Variants in ANKS3 observed in about 807,000 individuals in gnomAD.
The protein encoded by ANKS3 is ankyrin repeat and sterile alpha motif domain containing 3, also known as ankyrin repeat and SAM domain-containing protein 3.
A neutral mutation model predicts 80.7 loss-of-function variants in ANKS3; 62 were observed. That is an observed-to-expected ratio of 0.77 (90% CI 0.63 to 0.95). The LOEUF is 0.95. Among genes scored for constraint, ANKS3 ranks in the 40% least tolerant of loss-of-function variants. The pLI, the probability that ANKS3 is intolerant of heterozygous loss-of-function variation, is 0.00. For missense variants in ANKS3, 1,150 were observed against 883.6 expected (o/e 1.30, Z -3.82); for synonymous variants, 489 against 355.3 (o/e 1.38, Z -4.23).
chr16:4,709,839 C>T (rs1201288817), intron 7 of ANKS3, among the ~76,000 whole-genome samples: 1 of 151,796 alleles, frequency 6.6e-6, no homozygotes, highest in African/African-American at 2.4e-5. Flanking sequence ...AGCAAGACCC[C>T]GTCTCTACAA....
At chr16:4,732,490 C>T (rs1477350672) in intron 1 of ANKS3, among the ~76,000 whole-genome samples, 1 of 152,100 alleles carries the variant, frequency 6.6e-6, no homozygotes, top group Non-Finnish European at 1.5e-5. Flanking sequence ...CGAGACCACC[C>T]TGGCCAAAAT....
At position 4,696,619 on chromosome 16, in the gene ANKS3, T is replaced by C. The variant is rs1282816569; in HGVS notation, c.*289A>G. ...CACCTGTGCGTGTATATGGATACACTTTCCCCCCAGGGCCCTGCCTGGTAT... is the reference window on the plus strand; with the variant it reads ...CACCTGTGCGTGTATATGGATACACCTTCCCCCCAGGGCCCTGCCTGGTAT... On this transcript the variant is annotated 3_prime_UTR_variant, in exon 18 of 18. Transcript: ENST00000304283. 4.2e-6 allele frequency: 1 copy of C among 240,254 alleles called. No individual in the cohort carries two copies. Among genetic ancestry groups the C allele is most frequent in the Non-Finnish European group, 8.2e-6 (1 of 122,552 alleles). 14.9% of individuals were successfully genotyped at this position (240,254 alleles called of 1,614,324 possible).
At chr16:4,709,872 G>T (rs1351692429) in intron 7 of ANKS3, among the ~76,000 whole-genome samples, 3 of 152,092 alleles carry the variant, frequency 2.0e-5, no homozygotes, top group Non-Finnish European at 4.4e-5. Flanking sequence ...TTAGCCAGGT[G>T]TGGTGGTAGG....
At chr16:4,704,469 G>T (rs1225673083) in intron 8 of ANKS3, among the ~76,000 whole-genome samples, 1 of 152,114 alleles carries the variant, frequency 6.6e-6, no homozygotes, top group Non-Finnish European at 1.5e-5. Flanking sequence ...CACAGCAATA[G>T]AGAGTAGGCA....
chr16:4,699,361 G>C (rs562095008), intron 11 of ANKS3, 185 bp from the exon 12 acceptor site: 3 of 764,460 alleles, frequency 3.9e-6, no homozygotes, highest in South Asian at 1.8e-5. Flanking sequence ...AGGCAGGTGA[G>C]TCCTCACACT....
chr16:4,711,536 T>C (rs190733478), intron 7 of ANKS3, among the ~76,000 whole-genome samples: 69 of 151,746 alleles, frequency 4.5e-4, no homozygotes, highest in Admixed American at 7.9e-4. Context: ...CCGGCCAACA[T>C]GGAGAAACCC....
At chr16:4,714,222 C>G in intron 6 of ANKS3, 36 bp from the exon 7 acceptor site, 1 of 1,609,778 alleles carries the variant, frequency 6.2e-7, no homozygotes, top group Non-Finnish European at 8.5e-7. Context: ...AGGGGCCTCT[C>G]CTTCAAAGCA....
At chr16:4,727,632 C>G (rs2142157950) in intron 3 of ANKS3, 2 of 210,406 alleles carry the variant, frequency 9.5e-6, no homozygotes, top group Admixed American at 1.0e-4. Flanking sequence ...AGTTGAAAAA[C>G]CCTGACCACC....
chr16:4,708,138 T>C (rs150923902), intron 7 of ANKS3, among the ~76,000 whole-genome samples: 2 of 151,144 alleles, frequency 1.3e-5, no homozygotes, highest in Non-Finnish European at 3.0e-5. Context: ...TATATATAGA[T>C]AGATCAGTAG....
intron 7 of ANKS3, among the ~76,000 whole-genome samples, chr16:4,707,510 G>C (rs977627194): frequency 1.3e-5 from 2 of 152,052 alleles, no homozygotes; most frequent in Admixed American, 6.6e-5. Flanking sequence ...TCGAACTCCT[G>C]ACCTCAGGGG....
chr16:4,696,790 C>G lies in ANKS3; in HGVS notation c.*118G>C. ...TGCCGGCTGCTCCCGGGGCCTGATC[C>G]TCTGGCCCCCACTGGGCCTGGGCTG... On this transcript the variant is annotated 3_prime_UTR_variant, in exon 18 of 18. Transcript: ENST00000304283. The G allele has an allele frequency of 1.7e-6, 1 of 585,210 alleles. No homozygotes were observed. Among genetic ancestry groups the G allele is most frequent in the Non-Finnish European group, 3.0e-6 (1 of 328,204 alleles). 36.3% of individuals were successfully genotyped at this position (585,210 alleles called of 1,614,324 possible). A position where few individuals can be genotyped will look rare whatever the true frequency, so the allele number is the denominator to read the frequency against.
chr16:4,699,212 G>A lies in ANKS3; in HGVS notation c.1285-36C>T, dbSNP rs544509583. On this transcript the variant is annotated intron_variant, in intron 11 of 17. Transcript: ENST00000304283. ...CAGGGGACAGGTTGGGGGAGGTAGT[G>A]GCTGACGACGAAGCAGAGACGTTTT... 7.5e-6 allele frequency: 12 copies of A among 1,609,616 alleles called. No individual in the cohort carries two copies. The Admixed American group carries it at 1.0e-4, about 14-fold the overall frequency.
intron 6 of ANKS3, among the ~76,000 whole-genome samples, chr16:4,723,472 G>C (rs1481163821): frequency 6.6e-6 from 1 of 152,098 alleles, no homozygotes; most frequent in African/African-American, 2.4e-5. Flanking sequence ...ACCCAGAATG[G>C]AGTGTGGCGG....
At position 4,730,160 on chromosome 16, in the gene ANKS3, G is replaced by C; in HGVS notation, c.-2-9C>G. 1 of 1,520,924 alleles carries C rather than the reference G, an allele frequency of 6.6e-7. No individual in the cohort carries two copies. Among genetic ancestry groups the C allele is most frequent in the Non-Finnish European group, 8.9e-7 (1 of 1,126,160 alleles). 94.2% of individuals were successfully genotyped at this position (1,520,924 alleles called of 1,614,324 possible). ...GCTGAGCTCGGACATCACTGAGGAG[G>C]AAGGCCCAAGGGTTAGATCTTTCCT... On this transcript the variant is annotated splice_polypyrimidine_tract_variant and intron_variant, in intron 2 of 17. Transcript: ENST00000304283.
At chr16:4,697,171 G>C in intron 16 of ANKS3, 67 bp from the exon 17 acceptor site, 1 of 1,585,666 alleles carries the variant, frequency 6.3e-7, no homozygotes, top group African/African-American at 1.3e-5. Flanking sequence ...CTGCCCCGGG[G>C]TCTCAGCTGC....
At chr16:4,717,624 G>T (rs376580769) in intron 6 of ANKS3, 1 of 152,086 alleles carries the variant, frequency 6.6e-6, no homozygotes, top group Non-Finnish European at 1.5e-5. Flanking sequence ...GAATAAAACA[G>T]TAGCCTCTTT....
At chr16:4,710,223 A>T (rs1005527693) in intron 7 of ANKS3, among the ~76,000 whole-genome samples, 2 of 152,202 alleles carry the variant, frequency 1.3e-5, no homozygotes, top group Non-Finnish European at 2.9e-5. Flanking sequence ...ATACGGAACA[A>T]CAGCTTATAC....
At chr16:4,697,531 G>T in intron 15 of ANKS3, 115 bp from the exon 16 acceptor site, 3 of 834,614 alleles carry the variant, frequency 3.6e-6, no homozygotes, top group Non-Finnish European at 1.8e-6. Context: ...CTCCCTACCC[G>T]CCTGACAGTG....
chr16:4,730,425 C>T (rs1313429512), intron 2 of ANKS3, among the ~76,000 whole-genome samples: 4 of 152,146 alleles, frequency 2.6e-5, no homozygotes, highest in Non-Finnish European at 5.9e-5. Flanking sequence ...TCCTTCCAAC[C>T]GCAGGCACCA....
Sources: allele counts gnomAD v4.1 joint callset (sites outside exome capture counted in the v4.1 genomes callset), GRCh38; gene constraint gnomAD v4.1.1; transcripts MANE v1.5; gene names NCBI Gene and HGNC (gene_info 2026-07-23, HGNC 2026-07-21).